DIPK1B: variants seen among roughly 807,000 people sequenced by gnomAD.
DIPK1B encodes divergent protein kinase domain 1B.
DIPK1B carries 17 observed loss-of-function variants against 20.7 expected under a neutral mutation model. The ratio of observed to expected loss-of-function variants is 0.82; its 90% CI spans 0.56 to 1.23. DIPK1B has a LOEUF of 1.23. Among genes scored for constraint, DIPK1B ranks in the 50% most tolerant of loss-of-function variants. The pLI is 0.00. For missense variants in DIPK1B, 648 were observed against 601.8 expected (o/e 1.08, Z -0.80); for synonymous variants, 343 against 276.5 (o/e 1.24, Z -2.39).
Position 136,721,992 on chromosome 9 carries a change from G to A in DIPK1B, c.270G>A (p.Glu90=). The change falls in exon 3 of 5, where the codon GAG becomes GAA. Residue 90 remains glutamate, a synonymous_variant. Coordinates refer to ENST00000371692, the MANE Select transcript of DIPK1B (RefSeq NM_152421.4). ...ACCTGTGTGAGCTGCATATGGTGGA[G>A]TGGAGGACCTGCCTCTCGGTGGCCC... ...CQDLCELHMV[E]WRTCLSVAPG... is the part of the protein sequence containing the mutation. 1 of 1,613,658 alleles carries A rather than the reference G, an allele frequency of 6.2e-7. No homozygotes were observed. Among genetic ancestry groups the A allele is most frequent in the Non-Finnish European group, 8.5e-7 (1 of 1,179,976 alleles).
In DIPK1B at chr9:136,722,204, C is replaced by A. The variant is rs201932514; in HGVS notation, c.386C>A (p.Ser129Ter). 1 of 1,614,008 alleles carries A rather than the reference C, an allele frequency of 6.2e-7. No individual in the cohort carries two copies. Among genetic ancestry groups the A allele is most frequent in the Non-Finnish European group, 8.5e-7 (1 of 1,179,998 alleles). The change falls in exon 4 of 5, where the codon TCG (serine) becomes TAG (stop). Residue 129 changes from serine to a stop codon, truncating the protein, a stop_gained. Coordinates refer to ENST00000371692, the MANE Select transcript of DIPK1B (RefSeq NM_152421.4). LOFTEE classifies it high-confidence loss of function. ...IEETLDSKAR[S>*]DAAPRRELVL... Reference sequence around the variant, plus strand: ...GAGACCCTCGACTCCAAGGCCCGGTCGGATGCGGCCCCCCGGCGGGAGCTG... The same window carrying A: ...GAGACCCTCGACTCCAAGGCCCGGTAGGATGCGGCCCCCCGGCGGGAGCTG...
At position 136,722,186 on chromosome 9, in the gene DIPK1B, T is replaced by C. The variant is rs756302378; in HGVS notation, c.368T>C (p.Leu123Pro). ...ATCAAGTGTGGCATTGAGGAGACCC[T>C]CGACTCCAAGGCCCGGTCGGATGCG... The part of the protein sequence containing the change: ...VTIKCGIEET[L>P]DSKARSDAAP... The change falls in exon 4 of 5, where the codon CTC becomes CCC. Residue 123 changes from leucine to proline, a missense_variant. Physicochemically the swap from Leu to Pro is moderately conservative, Grantham distance 98. Transcript: ENST00000371692. 4 of 1,613,862 alleles carry C rather than the reference T, an allele frequency of 2.5e-6. No homozygotes were observed. The highest frequency in any genetic ancestry group is 1.7e-6 in the Non-Finnish European group (2 of 1,179,888).
At chr9:136,713,142 A>C (rs1333247023) in intron 1 of DIPK1B, among the ~76,000 whole-genome samples, 1 of 152,088 alleles carries the variant, frequency 6.6e-6, no homozygotes, top group Non-Finnish European at 1.5e-5. Flanking sequence ...CCCATCAGCC[A>C]GCCGTAGCGC....
At chr9:136,713,463 T>C (rs925298447) in intron 1 of DIPK1B, among the ~76,000 whole-genome samples, 3 of 152,204 alleles carry the variant, frequency 2.0e-5, no homozygotes, top group Non-Finnish European at 4.4e-5. Flanking sequence ...CCTGCCTGCG[T>C]CCTGCCTGAG....
At chr9:136,715,892 C>G (rs1322610936) in intron 1 of DIPK1B, among the ~76,000 whole-genome samples, 2 of 152,174 alleles carry the variant, frequency 1.3e-5, no homozygotes, top group African/African-American at 4.8e-5. Context: ...GTTTAGTGGT[C>G]ACCTCCCTCT....
At chr9:136,714,167 G>A (rs1846464521) in intron 1 of DIPK1B, among the ~76,000 whole-genome samples, 1 of 152,196 alleles carries the variant, frequency 6.6e-6, no homozygotes, top group Non-Finnish European at 1.5e-5. Context: ...GATGGCAGCT[G>A]GGGAAGATCA....
At chr9:136,722,074 G>C (rs776050889) in intron 3 of DIPK1B, 46 bp downstream of exon 3, 3 of 1,613,398 alleles carry the variant, frequency 1.9e-6, no homozygotes, top group African/African-American at 1.3e-5. Flanking sequence ...GATACTGCCC[G>C]TGCAGTGGGA....
rs1190319274 is a variant in DIPK1B, at chr9:136,724,399, G to T, written c.*625G>T. Among the ~76,000 whole-genome samples, 1 of 152,170 alleles carries T rather than the reference G, an allele frequency of 6.6e-6. No individual in the cohort carries two copies. The highest frequency in any genetic ancestry group is 1.5e-5 in the Non-Finnish European group (1 of 68,034). ...ATTTTACAAAATCCAGCCATGAGAT[G>T]TACAACTCATTCCCTAGGAAACAGC... On this transcript the variant is annotated 3_prime_UTR_variant, in exon 5 of 5. Coordinates refer to ENST00000371692, the MANE Select transcript of DIPK1B (RefSeq NM_152421.4).
chr9:136,715,361 C>T (rs1428051331), intron 1 of DIPK1B, among the ~76,000 whole-genome samples: 2 of 152,298 alleles, frequency 1.3e-5, no homozygotes, highest in Non-Finnish European at 2.9e-5. Context: ...GCTTGGAGGC[C>T]TGCACCCTAG....
chr9:136,722,833 A>AC, intron 4 of DIPK1B, 129 bp from the exon 5 acceptor site: 1 of 900,194 alleles, frequency 1.1e-6, no homozygotes, highest in African/African-American at 1.7e-5. Context: ...GTGGGCTGGG[A>AC]CCCCTAACCT....
chr9:136,719,189 AG>A (rs1225892016), intron 2 of DIPK1B, among the ~76,000 whole-genome samples: 2 of 152,116 alleles, frequency 1.3e-5, no homozygotes, highest in Non-Finnish European at 2.9e-5. Context: ...TCACGTGGCC[AG>A]GCAGGTTCTG....
At position 136,720,256 on chromosome 9, in the gene DIPK1B, G is replaced by A. The variant is rs189200941; in HGVS notation, c.199-1665G>A. Among the ~76,000 whole-genome samples the A allele has an allele frequency of 3.2e-3, 486 of 152,246 alleles. 6 individuals are homozygous for A. Among genetic ancestry groups the A allele is most frequent in the African/African-American group, 0.011 (459 of 41,512 alleles). The stretch of plus-strand genomic sequence containing the variant: ...GAAGAGCCGGCGTTTTCTTGCTGCC[G>A]GGACAGACGCTGCCTTCATGACTCA... On this transcript the variant is annotated intron_variant, in intron 2 of 4. Transcript: ENST00000371692.
chr9:136,723,467 A>G lies in DIPK1B; in HGVS notation c.989A>G (p.Gln330Arg). ...APEATVRRFL[Q>R]GRRCEHSTDC... is the part of the protein sequence containing the mutation. Reference sequence around the variant, plus strand: ...GAGGCCACCGTGCGCCGCTTCCTGCAGGGCCGCCGCTGCGAGCACAGCACC... The same window carrying G: ...GAGGCCACCGTGCGCCGCTTCCTGCGGGGCCGCCGCTGCGAGCACAGCACC... The change falls in exon 5 of 5, where the codon CAG becomes CGG. Residue 330 changes from glutamine (Q) to arginine (R), a missense_variant. Physicochemically the swap from Gln to Arg is conservative, Grantham distance 43. Transcript: ENST00000371692. 2.5e-6 allele frequency: 4 copies of G among 1,610,116 alleles called. No individual in the cohort carries two copies. The highest frequency in any genetic ancestry group is 3.4e-6 in the Non-Finnish European group (4 of 1,178,726).
In DIPK1B at chr9:136,712,683, C is replaced by T. The variant is rs965451880; in HGVS notation, c.18C>T (p.Arg6=). The T allele has an allele frequency of 9.8e-6, 13 of 1,320,726 alleles. No individual in the cohort carries two copies. In the African/African-American group the frequency reaches 1.4e-4, roughly 14 times the overall value. 81.8% of individuals were successfully genotyped at this position (1,320,726 alleles called of 1,614,324 possible). A position where few individuals can be genotyped will look rare whatever the true frequency, so the allele number is the denominator to read the frequency against. Residue 6 remains arginine, a synonymous_variant, in exon 1 of 5, where the codon CGC becomes CGT. Coordinates refer to ENST00000371692, the MANE Select transcript of DIPK1B (RefSeq NM_152421.4). The surrounding 1 kb of genome is among the most constrained non-coding windows in gnomAD (Gnocchi z 5.6). ...AGCCCACCATGCGGCGGCTGCGGCG[C>T]CTGGCGCACCTGGTGCTCTTCTGCC... is the stretch of plus-strand genomic sequence containing the variant. MRRLR[R]LAHLVLFCPF...
At chr9:136,720,081 G>A (rs995556180) in intron 2 of DIPK1B, among the ~76,000 whole-genome samples, 3 of 151,662 alleles carry the variant, frequency 2.0e-5, no homozygotes, top group Non-Finnish European at 2.9e-5. Flanking sequence ...CTGGGGTTCC[G>A]GGTGCAGGGG....
chr9:136,717,600 C>G lies in DIPK1B; in HGVS notation c.87C>G (p.Val29=), dbSNP rs768497308. The G allele has an allele frequency of 3.1e-6, 5 of 1,601,200 alleles. No homozygotes were observed. The South Asian group carries it at 4.4e-5, about 14-fold the overall frequency. Residue 29 remains valine, a synonymous_variant, in exon 2 of 5, where the codon GTC becomes GTG. Transcript: ENST00000371692. ...AGGGCCGGCTCCCAGGCCTCAGGGT[C>G]CGCTGCATCTTCCTGGCCTGGCTGG... The part of the protein sequence containing the change: ...RLQGRLPGLR[V]RCIFLAWLGV...
In DIPK1B at chr9:136,723,554, G is replaced by A. The variant is rs1307766568; in HGVS notation, c.1076G>A (p.Gly359Asp). The change falls in exon 5 of 5, where the codon GGC (glycine) becomes GAC (aspartate). Residue 359 changes from glycine to aspartate, a missense_variant. Coordinates refer to ENST00000371692, the MANE Select transcript of DIPK1B (RefSeq NM_152421.4). ...PCDRLMRQCK[G>D]DLIQPNLAKV... The stretch of plus-strand genomic sequence containing the variant: ...GACAGGCTCATGAGGCAGTGCAAGG[G>A]CGACCTCATCCAGCCCAACCTGGCC... 1.5e-5 allele frequency: 24 copies of A among 1,598,578 alleles called. No individual in the cohort carries two copies. Among genetic ancestry groups the A allele is most frequent in the Non-Finnish European group, 2.0e-5 (24 of 1,173,044 alleles).
Position 136,723,356 on chromosome 9 carries a change from T to C in DIPK1B, c.878T>C (p.Phe293Ser). The C allele has an allele frequency of 6.2e-7, 1 of 1,613,370 alleles. No individual in the cohort carries two copies. The highest frequency in any genetic ancestry group is 1.3e-5 in the African/African-American group (1 of 75,038). The change falls in exon 5 of 5, where the codon TTC (phenylalanine) becomes TCC (serine). Residue 293 changes from phenylalanine (F) to serine (S), a missense_variant. Transcript: ENST00000371692. ...EELFHGSYGT[F>S]YMCETTLANV... is the part of the protein sequence containing the mutation. ...CTCTTCCACGGCTCTTACGGGACTT[T>C]CTACATGTGTGAGACCACACTGGCC...
rs1846657849 is a variant in DIPK1B, at chr9:136,723,675, G to C, written c.1197G>C (p.Leu399=). ...CACAGCTGCGCACCTGTACCACGCTGAGCGGGCTGGCCAGCCAGGTGGAGG... is the reference window on the plus strand; with the variant it reads ...CACAGCTGCGCACCTGTACCACGCTCAGCGGGCTGGCCAGCCAGGTGGAGG... ...LGTQLRTCTT[L]SGLASQVEAH... The change falls in exon 5 of 5, where the codon CTG becomes CTC. Residue 399 remains leucine, a synonymous_variant. Transcript: ENST00000371692. 1 of 1,546,078 alleles carries C rather than the reference G, an allele frequency of 6.5e-7. No individual in the cohort carries two copies. The highest frequency in any genetic ancestry group is 8.7e-7 in the Non-Finnish European group (1 of 1,149,454).
Sources: gnomAD v4.1 joint callset for allele counts (sites outside exome capture counted in the v4.1 genomes callset) on GRCh38, gnomAD v4.1.1 for gene constraint, Gnocchi (gnomAD v3.1) non-coding constraint, MANE v1.5 for transcripts, NCBI Gene and HGNC (gene_info 2026-07-23, HGNC 2026-07-21) for gene names.